Variants in OSBPL10 observed in about 807,000 individuals in gnomAD.
The protein encoded by OSBPL10 is oxysterol-binding protein-related protein 10.
In OSBPL10, 49 loss-of-function variants were observed where a neutral mutation model predicts 81.7. The ratio of observed to expected loss-of-function variants is 0.60; its 90% confidence interval spans 0.48 to 0.76. OSBPL10 has a LOEUF of 0.76. OSBPL10 is among the 30% of genes least tolerant of loss of function. The probability of loss-of-function intolerance (pLI) is 0.00; values close to 1 mark genes in which losing one functional copy is unlikely to be tolerated. For missense variants in OSBPL10, 923 were observed against 987.8 expected, an observed-to-expected ratio of 0.93 and a Z score of 0.88; for synonymous variants, 419 against 383.6, an observed-to-expected ratio of 1.09 and a Z score of -1.08.
At position 32,028,927 on chromosome 3, in the gene OSBPL10, G is replaced by GACACACACAC. The variant is rs58442955; in HGVS notation, n.298+17554_298+17563dup. 3.6e-3 allele frequency among the ~76,000 whole-genome samples: 380 copies of GACACACACAC among 105,650 alleles called. 4 individuals are homozygous for GACACACACAC. The highest frequency in any genetic ancestry group is 8.8e-3 in the African/African-American group (238 of 27,026). The allele number at this position is 105,650 out of a possible 152,430, so 69.3% of individuals were successfully genotyped here. A position where few individuals can be genotyped will look rare whatever the true frequency, so the allele number is the denominator to read the frequency against. ...ATTGTTACAGTAGGTAGCTAGTCAG[G>GACACACACAC]ACACACACACACACACACACACACA... On this transcript the variant is annotated intron_variant and non_coding_transcript_variant, in intron 2 of 3. Transcript: ENST00000479173.
At chr3:31,883,722 G>T (rs111560500) in intron 1 of OSBPL10, among the ~76,000 whole-genome samples, 1 of 151,920 alleles carries the variant, frequency 6.6e-6, no homozygotes, top group African/African-American at 2.4e-5. Flanking sequence ...AGTAGAGACA[G>T]GGTTTCGCCA....
chr3:32,045,823 C>G (rs574164247), intron 2 of OSBPL10: 1 of 152,338 alleles, frequency 6.6e-6, no homozygotes, highest in East Asian at 1.9e-4. Flanking sequence ...CAGATGAAGC[C>G]TAAGAATCAG....
chr3:31,837,427 A>T (rs2125545829), intron 3 of OSBPL10, among the ~76,000 whole-genome samples: 1 of 148,696 alleles, frequency 6.7e-6, no homozygotes, highest in South Asian at 2.1e-4. Flanking sequence ...ATTTTAATAG[A>T]GAAAAAATCT....
chr3:32,056,505 G>C (rs1234732854), intron 1 of OSBPL10, among the ~76,000 whole-genome samples: 2 of 152,198 alleles, frequency 1.3e-5, no homozygotes, highest in East Asian at 1.9e-4. Flanking sequence ...TAAGCTTACT[G>C]TATGCTTGCT....
chr3:31,961,191 A>G (rs1011442351), intron 1 of OSBPL10, among the ~76,000 whole-genome samples: 3 of 151,998 alleles, frequency 2.0e-5, no homozygotes, highest in African/African-American at 7.3e-5. Context: ...TGGCTCAACA[A>G]TCAAATATGG....
At chr3:32,061,205 A>G (rs1345279545) in intron 1 of OSBPL10, among the ~76,000 whole-genome samples, 2 of 90,660 alleles carry the variant, frequency 2.2e-5, no homozygotes, top group East Asian at 5.0e-4. Flanking sequence ...TGAGCACCCC[A>G]CAGCTCCCCT....
intron 1 of OSBPL10, among the ~76,000 whole-genome samples, chr3:31,943,228 TA>T (rs1697585651): frequency 6.6e-6 from 1 of 152,250 alleles, no homozygotes; most frequent in Non-Finnish European, 1.5e-5. Flanking sequence ...ATTGTGCATA[TA>T]AACCACATTT....
At chr3:31,949,084 C>G (rs1373657449) in intron 1 of OSBPL10, among the ~76,000 whole-genome samples, 1 of 152,138 alleles carries the variant, frequency 6.6e-6, no homozygotes, top group Admixed American at 6.5e-5. Context: ...TGTGATTAAA[C>G]TTACAGATCA....
intron 1 of OSBPL10, among the ~76,000 whole-genome samples, chr3:32,074,483 C>T (rs552837552): frequency 2.0e-5 from 3 of 152,240 alleles, no homozygotes; most frequent in South Asian, 2.1e-4. Flanking sequence ...TCCAACTTCA[C>T]GTTACTGATA....
intron 8 of OSBPL10, among the ~76,000 whole-genome samples, chr3:31,676,112 T>A (rs968605531): frequency 1.3e-5 from 2 of 151,956 alleles, no homozygotes; most frequent in Non-Finnish European, 2.9e-5. Context: ...CAAGGTAAAA[T>A]TTCCCCCAAG....
intron 5 of OSBPL10, among the ~76,000 whole-genome samples, chr3:31,741,470 G>A (rs1697348943): frequency 6.6e-6 from 1 of 152,088 alleles, no homozygotes. Context: ...CCACCATGTT[G>A]GCCTGGATGA....
At chr3:31,883,251 T>A (rs981661823) in intron 1 of OSBPL10, among the ~76,000 whole-genome samples, 2 of 152,096 alleles carry the variant, frequency 1.3e-5, no homozygotes, top group African/African-American at 4.8e-5. Flanking sequence ...CTCTTTTTTT[T>A]TTTTTTGAGA....
chr3:32,030,724 AAAT>A, intron 2 of OSBPL10: 1 of 682,450 alleles, frequency 1.5e-6, no homozygotes. Flanking sequence ...AAAAATAAAT[AAAT>A]AAATAAAAAA....
At chr3:31,687,179 G>A (rs975518294) in intron 7 of OSBPL10, among the ~76,000 whole-genome samples, 2 of 152,114 alleles carry the variant, frequency 1.3e-5, no homozygotes, top group Non-Finnish European at 2.9e-5. Context: ...CAGGGGAGGG[G>A]AAGGACAGAA....
At chr3:31,963,948 A>T (rs146193418) in intron 1 of OSBPL10, among the ~76,000 whole-genome samples, 83 of 151,960 alleles carry the variant, frequency 5.5e-4, no homozygotes, top group Admixed American at 9.8e-4. Context: ...CCCAATTAGA[A>T]ATTGTTCTAA....
chr3:31,684,750 C>T (rs568422894), intron 7 of OSBPL10, among the ~76,000 whole-genome samples: 8 of 152,304 alleles, frequency 5.3e-5, no homozygotes, highest in Admixed American at 6.5e-5. Flanking sequence ...ACAGAGCTGC[C>T]GCAGACAAGA....
At chr3:31,728,658 C>T (rs1032093866) in intron 6 of OSBPL10, among the ~76,000 whole-genome samples, 1 of 152,222 alleles carries the variant, frequency 6.6e-6, no homozygotes, top group Non-Finnish European at 1.5e-5. Flanking sequence ...AGCCCTCCTG[C>T]ATGATTCCAT....
intron 7 of OSBPL10, among the ~76,000 whole-genome samples, chr3:31,695,998 C>T (rs760494958): frequency 1.4e-4 from 21 of 152,150 alleles, no homozygotes; most frequent in Non-Finnish European, 2.5e-4. Flanking sequence ...CAATTATCAA[C>T]CTCCTTTTAA....
At chr3:31,758,004 AGAT>A (rs1279462865) in intron 4 of OSBPL10, among the ~76,000 whole-genome samples, 3 of 152,364 alleles carry the variant, frequency 2.0e-5, no homozygotes, top group Non-Finnish European at 4.4e-5. Flanking sequence ...TGAACCAGGA[AGAT>A]AATAAGGATG....
Sources: gnomAD v4.1 joint callset for allele counts (sites outside exome capture counted in the v4.1 genomes callset) on GRCh38, gnomAD v4.1.1 for gene constraint, MANE v1.5 for transcripts, NCBI Gene and HGNC (gene_info 2026-07-23, HGNC 2026-07-21) for gene names.